The following NELL1 variants were observed in gnomAD, a reference collection of about 807,000 sequenced individuals.
NELL1 encodes the protein neural EGFL like 1, also known as protein kinase C-binding protein NELL1.
Under a neutral mutation model 107.4 loss-of-function variants are expected in NELL1, and 76 were observed. The ratio of observed to expected loss-of-function variants is 0.71; its 90% confidence interval spans 0.59 to 0.86. NELL1 has a LOEUF of 0.86. Among genes scored for constraint, NELL1 ranks in the 40% least tolerant of loss-of-function variants. NELL1 has a pLI of 0.00. For missense variants in NELL1, 1,024 were observed against 1,005.5 expected, an observed-to-expected ratio of 1.02 and a Z score of -0.25; for synonymous variants, 353 against 341.2, an observed-to-expected ratio of 1.03 and a Z score of -0.38.
intron 2 of NELL1, among the ~76,000 whole-genome samples, chr11:20,744,704 T>G (rs1855965456): frequency 6.6e-6 from 1 of 152,244 alleles, no homozygotes; most frequent in Non-Finnish European, 1.5e-5. Flanking sequence ...TTTAAGCCTT[T>G]GCATATATCA....
At chr11:20,865,240 C>T (rs1849073614) in intron 4 of NELL1, among the ~76,000 whole-genome samples, 1 of 152,186 alleles carries the variant, frequency 6.6e-6, no homozygotes, top group Admixed American at 6.5e-5. Context: ...GTTAAATGCA[C>T]AAATTATATG....
chr11:21,151,089 C>T (rs377578452), intron 13 of NELL1, among the ~76,000 whole-genome samples: 1 of 152,236 alleles, frequency 6.6e-6, no homozygotes, highest in East Asian at 1.9e-4. Flanking sequence ...GCCCCTTCTT[C>T]AAGACTGAAG....
chr11:20,966,602 G>A (rs1013920598), intron 12 of NELL1, among the ~76,000 whole-genome samples: 3 of 151,926 alleles, frequency 2.0e-5, no homozygotes, highest in Non-Finnish European at 2.9e-5. Flanking sequence ...CAGTACCCAG[G>A]TATCTGTCAA....
intron 12 of NELL1, among the ~76,000 whole-genome samples, chr11:21,105,995 TTCTC>T (rs900707937): frequency 3.4e-5 from 5 of 146,146 alleles, no homozygotes; most frequent in African/African-American, 1.3e-4. Context: ...TTCTCTCTGT[TTCTC>T]TCTCCTCTTG....
intron 14 of NELL1, among the ~76,000 whole-genome samples, chr11:21,254,397 TA>T (rs1293560287): frequency 6.6e-6 from 1 of 152,018 alleles, no homozygotes; most frequent in African/African-American, 2.4e-5. Context: ...ATAGGTGGCT[TA>T]AAAAATTCAA....
At chr11:21,427,297 T>G (rs1353200282) in intron 15 of NELL1, among the ~76,000 whole-genome samples, 2 of 152,230 alleles carry the variant, frequency 1.3e-5, no homozygotes, top group Admixed American at 1.3e-4. Flanking sequence ...GATTCTGGAC[T>G]ATGTAATTCT....
chr11:21,244,001 T>A (rs1213756236), intron 14 of NELL1, among the ~76,000 whole-genome samples: 2 of 152,114 alleles, frequency 1.3e-5, no homozygotes, highest in African/African-American at 4.8e-5. Context: ...TGCAACATTG[T>A]AGCATTTATT....
intron 2 of NELL1, among the ~76,000 whole-genome samples, chr11:20,777,809 C>A (rs183754749): frequency 2.2e-5 from 3 of 134,720 alleles, no homozygotes; most frequent in African/African-American, 1.0e-4. Flanking sequence ...CTGAGGCGGG[C>A]TGCCTTGGTG....
At chr11:21,180,846 A>G (rs1045176120) in intron 13 of NELL1, among the ~76,000 whole-genome samples, 4 of 150,750 alleles carry the variant, frequency 2.7e-5, no homozygotes, top group East Asian at 3.9e-4. Flanking sequence ...ATCTTTCTCC[A>G]TGGATTTCCT....
intron 15 of NELL1, among the ~76,000 whole-genome samples, chr11:21,524,702 TAGG>T (rs1365539385): frequency 6.6e-6 from 1 of 152,174 alleles, no homozygotes; most frequent in Admixed American, 6.5e-5. Flanking sequence ...GAATGCCTGA[TAGG>T]AGATTTTTAC....
intron 2 of NELL1, among the ~76,000 whole-genome samples, chr11:20,715,773 G>A (rs1343107089): frequency 6.6e-6 from 1 of 152,200 alleles, no homozygotes; most frequent in Admixed American, 6.5e-5. Context: ...GTATCTGGTA[G>A]TCTTTTTGTC....
At chr11:21,133,665 A>AAATCAGGC (rs1218464323) in intron 13 of NELL1, among the ~76,000 whole-genome samples, 1 of 142,858 alleles carries the variant, frequency 7.0e-6, no homozygotes, top group African/African-American at 2.6e-5. Context: ...TTTGGCCTCA[A>AAATCAGGC]CTTTGCTCCA....
At chr11:21,061,063 A>G (rs1198805909) in intron 12 of NELL1, among the ~76,000 whole-genome samples, 1 of 152,136 alleles carries the variant, frequency 6.6e-6, no homozygotes, top group Non-Finnish European at 1.5e-5. Flanking sequence ...GCCTAAAGGG[A>G]CTTTGATATT....
chr11:20,913,379 G>T (rs1249088005), intron 5 of NELL1, among the ~76,000 whole-genome samples: 1 of 152,112 alleles, frequency 6.6e-6, no homozygotes, highest in Non-Finnish European at 1.5e-5. Context: ...TGGTGGTGAA[G>T]CTGCTTTTGT....
intron 14 of NELL1, 75 bp from the exon 15 acceptor site, chr11:21,370,778 C>T: frequency 8.9e-7 from 1 of 1,118,702 alleles, no homozygotes; most frequent in East Asian, 2.5e-5. Context: ...AGAATTGCTT[C>T]AGTGCTCCTG....
At chr11:21,261,305 C>T (rs2133922659) in intron 14 of NELL1, among the ~76,000 whole-genome samples, 1 of 151,562 alleles carries the variant, frequency 6.6e-6, no homozygotes, top group South Asian at 2.1e-4. Flanking sequence ...AGATATTAAG[C>T]ATAGTACCCA....
intron 10 of NELL1, 46 bp downstream of exon 10, chr11:20,937,905 G>C: frequency 6.4e-7 from 1 of 1,568,554 alleles, no homozygotes; most frequent in Non-Finnish European, 8.8e-7. Context: ...AAAATGAATA[G>C]ATAGATGTGT....
chr11:21,393,378 A>T (rs1319384631), intron 15 of NELL1, among the ~76,000 whole-genome samples: 1 of 151,744 alleles, frequency 6.6e-6, no homozygotes, highest in Non-Finnish European at 1.5e-5. Context: ...AAATTTGGGA[A>T]GGGTAATTAC....
At chr11:21,537,889 T>C (rs531927422) in intron 16 of NELL1, among the ~76,000 whole-genome samples, 43 of 152,208 alleles carry the variant, frequency 2.8e-4, no homozygotes, top group African/African-American at 9.9e-4. Context: ...TTTAAAAAAA[T>C]GTTTATTGAG....
Sources: allele counts gnomAD v4.1 joint callset (sites outside exome capture counted in the v4.1 genomes callset), GRCh38; gene constraint gnomAD v4.1.1; transcripts MANE v1.5; gene names NCBI Gene and HGNC (gene_info 2026-07-23, HGNC 2026-07-21).